Variants in PPARGC1A observed in about 807,000 individuals in gnomAD.
PPARGC1A encodes the protein peroxisome proliferator-activated receptor gamma coactivator 1-alpha.
PPARGC1A carries 25 observed loss-of-function variants against 88.7 expected under a neutral mutation model. The ratio of observed to expected loss-of-function variants is 0.28; its 90% CI spans 0.21 to 0.39. The LOEUF is 0.39. Among genes scored for constraint, PPARGC1A ranks in the 10% least tolerant of loss-of-function variants. PPARGC1A has a pLI of 1.00. For synonymous variants in PPARGC1A, 363 were observed against 355.6 expected (o/e 1.02, Z -0.24); for missense variants, 880 against 968.7 (o/e 0.91, Z 1.22).
chr4:23,948,694 A>T, the PPARGC1A span, among the ~76,000 whole-genome samples: 124,075 of 152,128 alleles, frequency 0.82, 50,991 homozygotes, highest in African/African-American at 0.85. Flanking sequence ...ATGCCTGTGG[A>T]CCCTAAGTAA....
the PPARGC1A span, among the ~76,000 whole-genome samples, chr4:24,339,192 A>ATGTG: frequency 0.12 from 10,783 of 89,196 alleles, 590 homozygotes; most frequent in Non-Finnish European, 0.14. Flanking sequence ...AGGTTCATCC[A>ATGTG]TGTGTGTGTG....
intron 10 of PPARGC1A, among the ~76,000 whole-genome samples, chr4:23,809,103 A>G (rs1359157880): frequency 6.6e-6 from 1 of 152,208 alleles, no homozygotes; most frequent in East Asian, 1.9e-4. Flanking sequence ...AAACATTGAA[A>G]GAACATCATG....
At chr4:23,833,139 C>G (rs954084795) in intron 2 of PPARGC1A, among the ~76,000 whole-genome samples, 5 of 152,084 alleles carry the variant, frequency 3.3e-5, no homozygotes, top group Non-Finnish European at 7.3e-5. Flanking sequence ...AACCTGTAAA[C>G]AATTCATTAT....
chr4:24,440,462 A>T, the PPARGC1A span, among the ~76,000 whole-genome samples: 1 of 152,034 alleles, frequency 6.6e-6, no homozygotes, highest in Non-Finnish European at 1.5e-5. Flanking sequence ...TTGGAAACTG[A>T]CACATGCCTC....
chr4:24,161,953 T>C, the PPARGC1A span, among the ~76,000 whole-genome samples: 8 of 132,708 alleles, frequency 6.0e-5, no homozygotes, highest in East Asian at 2.2e-4. Flanking sequence ...AATAAAGAAA[T>C]TGTGATATAC....
At chr4:24,114,299 A>G in the PPARGC1A span, among the ~76,000 whole-genome samples, 2 of 152,326 alleles carry the variant, frequency 1.3e-5, no homozygotes, top group South Asian at 4.1e-4. Flanking sequence ...CTATATTTCT[A>G]ACCGCTATGG....
upstream of PPARGC1A, among the ~76,000 whole-genome samples, chr4:23,891,496 T>C (rs191466134): frequency 6.6e-6 from 1 of 152,292 alleles, no homozygotes; most frequent in East Asian, 1.9e-4. Context: ...ATATTTTAAA[T>C]ATTAAATTGC....
chr4:24,139,471 T>C, the PPARGC1A span, among the ~76,000 whole-genome samples: 1 of 152,164 alleles, frequency 6.6e-6, no homozygotes, highest in Non-Finnish European at 1.5e-5. Flanking sequence ...AAAATCACTG[T>C]AAATGTAAAA....
At chr4:23,914,904 G>A in the PPARGC1A span, among the ~76,000 whole-genome samples, 13 of 152,178 alleles carry the variant, frequency 8.5e-5, no homozygotes, top group Non-Finnish European at 1.3e-4. Context: ...TAAATAGCAA[G>A]TATTTGTCAT....
chr4:23,793,390 T>C lies in PPARGC1A; in HGVS notation c.*2432A>G, dbSNP rs1049784304. Reference sequence around the variant, plus strand: ...TTATTGCTTTCTATCTACTTAGAAATAAGAAGCCAAAAAATCAAGCAAGCA... The same window carrying C: ...TTATTGCTTTCTATCTACTTAGAAACAAGAAGCCAAAAAATCAAGCAAGCA... On this transcript the variant is annotated 3_prime_UTR_variant, in exon 13 of 13. Transcript: ENST00000264867. 6.6e-6 allele frequency: 1 copy of C among 152,396 alleles called. No homozygotes were observed. Among genetic ancestry groups the C allele is most frequent in the Non-Finnish European group, 1.5e-5 (1 of 67,994 alleles). 9.4% of individuals were successfully genotyped at this position (152,396 alleles called of 1,614,324 possible).
chr4:24,304,562 C>A, the PPARGC1A span, among the ~76,000 whole-genome samples: 2 of 152,128 alleles, frequency 1.3e-5, no homozygotes, highest in African/African-American at 4.8e-5. Context: ...GGATTCAAAC[C>A]CAGGTGGTCT....
chr4:23,831,790 C>T lies in PPARGC1A; in HGVS notation c.235-39G>A, dbSNP rs566371487. The T allele has an allele frequency of 6.5e-5, 100 of 1,535,618 alleles. 1 individual carries two copies. The South Asian group carries it at 1.0e-3, about 16-fold the overall frequency. On this transcript the variant is annotated intron_variant, in intron 2 of 12. Transcript: ENST00000264867. ...AAAAAACAGAAGATGTGAGTTGACC[C>T]TGGGAGGCAGGTAACACTATGCATC...
At chr4:23,873,217 T>A (rs13106382) in intron 2 of PPARGC1A, among the ~76,000 whole-genome samples, 55,993 of 99,826 alleles carry the variant, frequency 0.56, 17,951 homozygotes, top group Non-Finnish European at 0.67. Flanking sequence ...AAATAAAAAA[T>A]AAAAAATAAA....
the PPARGC1A span, among the ~76,000 whole-genome samples, chr4:24,341,502 G>A: frequency 6.6e-6 from 1 of 152,130 alleles, no homozygotes; most frequent in Non-Finnish European, 1.5e-5. Context: ...GGGTGAGGCA[G>A]TAAACAAACA....
At chr4:24,227,569 G>A in the PPARGC1A span, among the ~76,000 whole-genome samples, 1 of 152,258 alleles carries the variant, frequency 6.6e-6, no homozygotes, top group Non-Finnish European at 1.5e-5. Context: ...ACTTTAAAAT[G>A]CCAAGTTTAT....
the PPARGC1A span, among the ~76,000 whole-genome samples, chr4:24,007,844 C>T: frequency 1.3e-5 from 2 of 152,064 alleles, no homozygotes; most frequent in African/African-American, 2.4e-5. Flanking sequence ...GGTTAGGAGG[C>T]TAGTGCAGTG....
the PPARGC1A span, among the ~76,000 whole-genome samples, chr4:23,952,020 T>C: frequency 6.6e-6 from 1 of 152,058 alleles, no homozygotes; most frequent in African/African-American, 2.4e-5. Context: ...TGGGACACCC[T>C]GGCCCACGGT....
chr4:24,298,145 C>T, the PPARGC1A span, among the ~76,000 whole-genome samples: 1 of 150,322 alleles, frequency 6.7e-6, no homozygotes, highest in East Asian at 2.0e-4. Flanking sequence ...CTTTATCACA[C>T]AGCCAGTTGG....
rs1475567101 is a variant in PPARGC1A, at chr4:23,829,525, G to A, written c.490C>T (p.Leu164Phe). The stretch of plus-strand genomic sequence containing the variant: ...TGATTTGCATGGTTCTGGGTACTGA[G>A]ACCACTGCATTCATTATAACTTAGC... The part of the protein sequence containing the change: ...TQLSYNECSG[L>F]STQNHANHNH... The change falls in exon 4 of 13, where the codon CTC (leucine) becomes TTC (phenylalanine). Residue 164 changes from leucine to phenylalanine, a missense_variant. Physicochemically the swap from Leu to Phe is conservative, Grantham distance 22. Coordinates refer to ENST00000264867, the MANE Select transcript of PPARGC1A (RefSeq NM_013261.5). 5.6e-6 allele frequency: 9 copies of A among 1,613,360 alleles called. No homozygotes were observed. Among genetic ancestry groups the A allele is most frequent in the Non-Finnish European group, 6.8e-6 (8 of 1,179,346 alleles).
Sources: gnomAD v4.1 joint callset for allele counts (sites outside exome capture counted in the v4.1 genomes callset) on GRCh38, gnomAD v4.1.1 for gene constraint, MANE v1.5 for transcripts, NCBI Gene and HGNC (gene_info 2026-07-23, HGNC 2026-07-21) for gene names.